Variants in SRPRA observed in about 807,000 individuals in gnomAD.
SRPRA encodes SRP receptor subunit alpha.
Under a neutral mutation model 61.1 loss-of-function variants are expected in SRPRA, and 30 were observed. The observed-to-expected ratio is 0.49, with a 90% CI of 0.37 to 0.67. SRPRA has a LOEUF of 0.67. SRPRA is among the 30% of genes least tolerant of loss of function. SRPRA has a pLI of 0.00. For synonymous variants in SRPRA, 324 were observed against 299.7 expected, an observed-to-expected ratio of 1.08 and a Z score of -0.84; for missense variants, 759 against 828.4, an observed-to-expected ratio of 0.92 and a Z score of 1.03.
the SRPRA span, among the ~76,000 whole-genome samples, chr11:126,257,693 A>G: frequency 6.7e-6 from 1 of 149,338 alleles, no homozygotes; most frequent in Non-Finnish European, 1.5e-5. Flanking sequence ...TAAAGTGTTG[A>G]TTTTTTGGTT....
At chr11:126,250,142 A>C in the SRPRA span, among the ~76,000 whole-genome samples, 3 of 146,416 alleles carry the variant, frequency 2.0e-5, no homozygotes, top group South Asian at 6.5e-4. The surrounding 1 kb of genome is among the most constrained non-coding windows in gnomAD (Gnocchi z 5.1). Flanking sequence ...CCCAGGCTGG[A>C]GTGCAGTGAC....
the SRPRA span, among the ~76,000 whole-genome samples, chr11:126,240,112 G>A: frequency 6.6e-6 from 1 of 152,196 alleles, no homozygotes; most frequent in Non-Finnish European, 1.5e-5. Context: ...TAGCACCCAT[G>A]CTGTCTCACA....
downstream of SRPRA, chr11:126,262,300 A>G (rs992041329): frequency 1.5e-6 from 1 of 674,742 alleles, no homozygotes; most frequent in South Asian, 1.8e-5. Context: ...GTAATCCTTC[A>G]TACCACCTGG....
chr11:126,268,116 A>C (rs753470923), intron 1 of SRPRA, 30 bp from the exon 2 acceptor site: 4 of 1,607,554 alleles, frequency 2.5e-6, no homozygotes, highest in Non-Finnish European at 3.4e-6. Flanking sequence ...CAGTGTTCAG[A>C]CTATCCCCAG....
chr11:126,254,444 CTG>C, the SRPRA span: 1 of 1,613,672 alleles, frequency 6.2e-7, no homozygotes, highest in Non-Finnish European at 8.5e-7. Context: ...GTGAGTGGGG[CTG>C]ATCTTGCTGG....
At chr11:126,259,821 C>T (rs571860196), downstream of SRPRA, among the ~76,000 whole-genome samples, 5 of 150,284 alleles carry the variant, frequency 3.3e-5, no homozygotes, top group East Asian at 7.9e-4. Flanking sequence ...CCTGGGTTCA[C>T]GCCATTCTCC....
the SRPRA span, among the ~76,000 whole-genome samples, chr11:126,236,011 A>G: frequency 6.6e-6 from 1 of 152,122 alleles, no homozygotes; most frequent in Admixed American, 6.5e-5. Flanking sequence ...TAAATCTCCT[A>G]GCTATACTGA....
chr11:126,246,980 G>A, the SRPRA span, among the ~76,000 whole-genome samples: 1 of 152,122 alleles, frequency 6.6e-6, no homozygotes, highest in Non-Finnish European at 1.5e-5. Flanking sequence ...AACAAAGCGG[G>A]ACCCCCTATC....
At chr11:126,256,761 G>T in the SRPRA span, 1 of 1,614,006 alleles carries the variant, frequency 6.2e-7, no homozygotes, top group African/African-American at 1.3e-5. This position sits in a 1 kb window ranked among gnomAD's most constrained non-coding sequence, Gnocchi z 6.6. Flanking sequence ...TGGACAAGGG[G>T]ATTAAAGTCA....
At chr11:126,250,684 C>T in the SRPRA span, 1 of 1,614,112 alleles carries the variant, frequency 6.2e-7, no homozygotes, top group Non-Finnish European at 8.5e-7. This position sits in a 1 kb window ranked among gnomAD's most constrained non-coding sequence, Gnocchi z 5.1. Context: ...CTGTATGCAG[C>T]AGATCAGGGG....
the SRPRA span, among the ~76,000 whole-genome samples, chr11:126,252,603 C>A: frequency 2.0e-5 from 3 of 152,088 alleles, no homozygotes; most frequent in Admixed American, 6.6e-5. This position sits in a 1 kb window ranked among gnomAD's most constrained non-coding sequence, Gnocchi z 4.7. Context: ...ATTAGCCGGG[C>A]ATGGTGGTGT....
At chr11:126,266,694 C>T (rs1407884131) in intron 5 of SRPRA, 65 bp from the exon 6 acceptor site, 3 of 1,608,078 alleles carry the variant, frequency 1.9e-6, no homozygotes, top group Non-Finnish European at 2.6e-6. Flanking sequence ...GAGCCAGAGA[C>T]CAGAACTCCC....
chr11:126,251,277 A>G, the SRPRA span, among the ~76,000 whole-genome samples: 1 of 152,240 alleles, frequency 6.6e-6, no homozygotes, highest in African/African-American at 2.4e-5. Flanking sequence ...ATGAGTTCTT[A>G]AAGTCTCATT....
chr11:126,266,969 C>T, intron 4 of SRPRA, 47 bp from the exon 5 acceptor site: 1 of 1,587,396 alleles, frequency 6.3e-7, no homozygotes, highest in South Asian at 1.1e-5. Context: ...CCAATCCCAA[C>T]CACTAGACAA....
the SRPRA span, among the ~76,000 whole-genome samples, chr11:126,241,529 G>A: frequency 6.6e-6 from 1 of 152,004 alleles, no homozygotes; most frequent in Non-Finnish European, 1.5e-5. Flanking sequence ...TCCCTGTCTT[G>A]CTTTGTCTGA....
At chr11:126,241,569 G>T in the SRPRA span, among the ~76,000 whole-genome samples, 5 of 150,274 alleles carry the variant, frequency 3.3e-5, no homozygotes, top group Middle Eastern at 3.4e-3. Flanking sequence ...TTTATTTTTT[G>T]ATGGAATCTT....
At chr11:126,240,742 CCTCATA>C in the SRPRA span, 1 of 1,519,048 alleles carries the variant, frequency 6.6e-7, no homozygotes, top group Non-Finnish European at 8.9e-7. Flanking sequence ...TTTCTGTGTG[CCTCATA>C]TCTATTGGAT....
chr11:126,264,856 A>G lies in SRPRA; in HGVS notation c.1525+103T>C. ...ATCTGACTTTTTACTGTAATTGACC[A>G]ACGAGTCTGTAGTAGCACAAGCCTG... On this transcript the variant is annotated intron_variant, in intron 11 of 13. Coordinates refer to ENST00000332118, the MANE Select transcript of SRPRA (RefSeq NM_003139.4). The surrounding 1 kb of genome is among the most constrained non-coding windows in gnomAD (Gnocchi z 5.0). The G allele has an allele frequency of 9.7e-6, 11 of 1,129,324 alleles. No homozygotes were observed. Among genetic ancestry groups the G allele is most frequent in the Non-Finnish European group, 9.9e-6 (8 of 809,700 alleles). The allele number at this position is 1,129,324 out of a possible 1,614,324, so 70.0% of individuals were successfully genotyped here.
chr11:126,265,049 C>A lies in SRPRA; in HGVS notation c.1435G>T (p.Glu479Ter). 6.2e-7 allele frequency: 1 copy of A among 1,614,208 alleles called. No individual in the cohort carries two copies. The change falls in exon 11 of 14, where the codon GAG becomes TAG. Residue 479 changes from glutamate to a stop codon, truncating the protein, a stop_gained. Coordinates refer to ENST00000332118, the MANE Select transcript of SRPRA (RefSeq NM_003139.4). LOFTEE classifies it high-confidence loss of function. The surrounding 1 kb of genome is among the most constrained non-coding windows in gnomAD (Gnocchi z 6.3). Reference protein sequence around the residue: ...TRRLSALHPPEKHGGRTMVQL... With the variant: ...TRRLSALHPP Reference sequence around the variant, plus strand: ...ACCATGGTGCGGCCACCATGCTTCTCTGGAGGGTGTAGGGCACTCAAACGC... The same window carrying A: ...ACCATGGTGCGGCCACCATGCTTCTATGGAGGGTGTAGGGCACTCAAACGC...
Sources: gnomAD v4.1 joint callset for allele counts (sites outside exome capture counted in the v4.1 genomes callset) on GRCh38, gnomAD v4.1.1 for gene constraint, Gnocchi (gnomAD v3.1) non-coding constraint, MANE v1.5 for transcripts, NCBI Gene and HGNC (gene_info 2026-07-23, HGNC 2026-07-21) for gene names.